PPARGC1A: variants seen among roughly 807,000 people sequenced by gnomAD.
PPARGC1A encodes peroxisome proliferator-activated receptor gamma coactivator 1-alpha.
In PPARGC1A, 25 loss-of-function variants were observed where a neutral mutation model predicts 88.7. That is an observed-to-expected ratio of 0.28 (90% confidence interval 0.21 to 0.39). PPARGC1A has a LOEUF of 0.39. PPARGC1A is among the 10% of genes least tolerant of loss of function. The pLI is 1.00. For synonymous variants in PPARGC1A, 363 were observed against 355.6 expected (o/e 1.02, Z -0.24); for missense variants, 880 against 968.7 (o/e 0.91, Z 1.22).
chr4:24,364,020 C>A, the PPARGC1A span, among the ~76,000 whole-genome samples: 2 of 152,132 alleles, frequency 1.3e-5, no homozygotes, highest in Admixed American at 1.3e-4. Flanking sequence ...CGATTAAAAA[C>A]CTGACTAGGC....
intron 4 of PPARGC1A, 24 bp downstream of exon 4, chr4:23,829,439 G>A: frequency 1.2e-6 from 2 of 1,609,378 alleles, no homozygotes; most frequent in Middle Eastern, 1.7e-4. Context: ...CATCCCCCCT[G>A]TATTAAAAAA....
chr4:24,090,868 G>T, the PPARGC1A span, among the ~76,000 whole-genome samples: 1 of 152,270 alleles, frequency 6.6e-6, no homozygotes, highest in South Asian at 2.1e-4. Flanking sequence ...ATTTGAAATA[G>T]GTATTGTAAC....
chr4:23,921,457 C>T, the PPARGC1A span, among the ~76,000 whole-genome samples: 21 of 152,348 alleles, frequency 1.4e-4, no homozygotes, highest in African/African-American at 5.0e-4. Flanking sequence ...GCATGGGATT[C>T]GGTTTGGCTG....
chr4:24,220,427 G>A, the PPARGC1A span, among the ~76,000 whole-genome samples: 1 of 152,288 alleles, frequency 6.6e-6, no homozygotes, highest in Middle Eastern at 3.4e-3. Flanking sequence ...ACACTCACAT[G>A]TTTATTGCAG....
intron 1 of PPARGC1A, among the ~76,000 whole-genome samples, chr4:23,885,919 C>T (rs2148838339): frequency 6.6e-6 from 1 of 152,244 alleles, no homozygotes; most frequent in East Asian, 1.9e-4. Flanking sequence ...CATTTCATCC[C>T]CTTACATGAA....
chr4:24,467,155 A>G, the PPARGC1A span, among the ~76,000 whole-genome samples: 16 of 151,842 alleles, frequency 1.1e-4, no homozygotes, highest in Admixed American at 9.2e-4. Flanking sequence ...AAAGCGAACA[A>G]TGTTTTCCAG....
At chr4:24,220,732 G>A in the PPARGC1A span, among the ~76,000 whole-genome samples, 8 of 152,270 alleles carry the variant, frequency 5.3e-5, no homozygotes, top group South Asian at 1.7e-3. Flanking sequence ...AAGGGGAAAG[G>A]GAGGGAGACA....
At chr4:23,834,246 G>A (rs562947195) in intron 2 of PPARGC1A, among the ~76,000 whole-genome samples, 75 of 152,224 alleles carry the variant, frequency 4.9e-4, no homozygotes, top group African/African-American at 1.8e-3. Context: ...CTTGCAGTGA[G>A]TCAAGATCTT....
chr4:24,040,286 T>G, the PPARGC1A span, among the ~76,000 whole-genome samples: 2 of 152,324 alleles, frequency 1.3e-5, no homozygotes, highest in Non-Finnish European at 2.9e-5. Context: ...TGCATTTTAA[T>G]GTGCAAATAT....
chr4:24,126,511 C>A, the PPARGC1A span, among the ~76,000 whole-genome samples: 1 of 152,152 alleles, frequency 6.6e-6, no homozygotes, highest in Non-Finnish European at 1.5e-5. Flanking sequence ...GAGATAGGTG[C>A]TTTTCTTAGT....
the PPARGC1A span, among the ~76,000 whole-genome samples, chr4:24,466,226 A>C: frequency 6.6e-6 from 1 of 152,226 alleles, no homozygotes; most frequent in African/African-American, 2.4e-5. Context: ...TCGTTCATCA[A>C]AAAGAATTCT....
At chr4:24,056,214 T>A in the PPARGC1A span, among the ~76,000 whole-genome samples, 1 of 152,292 alleles carries the variant, frequency 6.6e-6, no homozygotes, top group Non-Finnish European at 1.5e-5. Context: ...GCCTTTGACC[T>A]TGGATCTAAG....
intron 10 of PPARGC1A, among the ~76,000 whole-genome samples, chr4:23,804,949 T>C (rs550385407): frequency 6.6e-6 from 1 of 152,292 alleles, no homozygotes; most frequent in East Asian, 1.9e-4. Context: ...TAATTAATAG[T>C]TTATCTACTG....
At chr4:23,876,801 A>T (rs977374816) in intron 2 of PPARGC1A, among the ~76,000 whole-genome samples, 2 of 151,130 alleles carry the variant, frequency 1.3e-5, no homozygotes, top group African/African-American at 4.9e-5. Context: ...CCCCACCCTA[A>T]CCCCCAAAAA....
chr4:24,263,254 T>C, the PPARGC1A span, among the ~76,000 whole-genome samples: 15 of 152,224 alleles, frequency 9.9e-5, no homozygotes, highest in African/African-American at 2.9e-4. Flanking sequence ...CAAGTAAATG[T>C]AAAACAAATA....
At chr4:24,174,473 G>C in the PPARGC1A span, among the ~76,000 whole-genome samples, 3 of 152,318 alleles carry the variant, frequency 2.0e-5, no homozygotes, top group Middle Eastern at 3.4e-3. Context: ...TGTCTTAGTG[G>C]CCAAAGGATT....
chr4:24,384,451 G>A, the PPARGC1A span, among the ~76,000 whole-genome samples: 3 of 150,538 alleles, frequency 2.0e-5, no homozygotes, highest in Non-Finnish European at 2.9e-5. Context: ...ATTGGATGGA[G>A]TCAAGACCTA....
the PPARGC1A span, among the ~76,000 whole-genome samples, chr4:24,046,292 T>G: frequency 6.6e-6 from 1 of 152,174 alleles, no homozygotes; most frequent in South Asian, 2.1e-4. Context: ...CTAGGTTTCC[T>G]CTCTTAGGAA....
At chr4:24,045,663 C>T in the PPARGC1A span, among the ~76,000 whole-genome samples, 5 of 152,188 alleles carry the variant, frequency 3.3e-5, no homozygotes, top group Admixed American at 1.3e-4. Flanking sequence ...CTTATACAGA[C>T]ACCAGTAATT....
Sources: gnomAD v4.1 joint callset for allele counts (sites outside exome capture counted in the v4.1 genomes callset) on GRCh38, gnomAD v4.1.1 for gene constraint, MANE v1.5 for transcripts, NCBI Gene and HGNC (gene_info 2026-07-23, HGNC 2026-07-21) for gene names.